S100PBP: variants seen among roughly 807,000 people sequenced by gnomAD.
S100PBP encodes the protein S100P-binding protein.
In S100PBP, 15 loss-of-function variants were observed where a neutral mutation model predicts 39.9. The observed-to-expected ratio is 0.38, with a 90% CI of 0.25 to 0.58. S100PBP has a LOEUF of 0.58. S100PBP is among the 20% of genes least tolerant of loss of function. S100PBP has a pLI of 0.70. For missense variants in S100PBP, 504 were observed against 487.3 expected, an observed-to-expected ratio of 1.03 and a Z score of -0.32; for synonymous variants, 178 against 180.3, an observed-to-expected ratio of 0.99 and a Z score of 0.10.
chr1:32,853,146 T>C lies in S100PBP; in HGVS notation c.1092T>C (p.His364=), dbSNP rs1171013043. ...VHHMQHSKWQ[H]PSDLTTRNYA... ...ATATGCAGCACTCAAAATGGCAGCA[T>C]CCTTCGGACCTCACCACGCGGTGAG... Residue 364 remains histidine (H), a synonymous_variant, in exon 6 of 7, where the codon CAT becomes CAC. Transcript: ENST00000373475. 2 of 1,612,348 alleles carry C rather than the reference T, an allele frequency of 1.2e-6. No homozygotes were observed. The highest frequency in any genetic ancestry group is 1.7e-6 in the Non-Finnish European group (2 of 1,179,576).
chr1:32,820,548 G>A (rs539584683), intron 1 of S100PBP: 1 of 152,264 alleles, frequency 6.6e-6, no homozygotes, highest in East Asian at 1.9e-4. Context: ...TGCCTCTAGT[G>A]TGCCACATTT....
upstream of S100PBP, chr1:32,817,522 C>T: frequency 1.7e-6 from 1 of 590,718 alleles, no homozygotes; most frequent in Non-Finnish European, 3.0e-6. Context: ...CGGGGCACAA[C>T]CCTCCTAGAG....
At chr1:32,844,382 T>A (rs974447626) in intron 5 of S100PBP, among the ~76,000 whole-genome samples, 18 of 152,146 alleles carry the variant, frequency 1.2e-4, no homozygotes, top group Non-Finnish European at 2.6e-4. Flanking sequence ...CATTTGGAAC[T>A]GGGCACGGTG....
chr1:32,855,965 T>A lies in S100PBP; in HGVS notation c.1154T>A (p.Leu385Gln). Residue 385 changes from leucine to glutamine, a missense_variant, in exon 7 of 7, where the codon CTG becomes CAG. By Grantham distance (113) the Leu-to-Gln change is moderately radical. Transcript: ENST00000373475. Reference protein sequence around the residue: ...RRQKHLQRYSLTQWVDRNMRS... With the variant: ...RRQKHLQRYSQTQWVDRNMRS... ...CAGAAACATCTGCAAAGATACAGTC[T>A]GACTCAGTGGGTTGACAGGAACATG... 1 of 1,613,800 alleles carries A rather than the reference T, an allele frequency of 6.2e-7. No individual in the cohort carries two copies. The highest frequency in any genetic ancestry group is 8.5e-7 in the Non-Finnish European group (1 of 1,179,782).
chr1:32,836,801 A>G (rs1639838103), intron 5 of S100PBP: 2 of 154,602 alleles, frequency 1.3e-5, no homozygotes, highest in Admixed American at 1.3e-4. Context: ...GTTTTAGTAG[A>G]GGACATCCTC....
intron 1 of S100PBP, among the ~76,000 whole-genome samples, chr1:32,823,251 C>G (rs1319015292): frequency 1.0e-5 from 1 of 99,500 alleles, no homozygotes; most frequent in African/African-American, 3.9e-5. Flanking sequence ...AGCTGCTTAA[C>G]CCCAGTGCCT....
intron 6 of S100PBP, among the ~76,000 whole-genome samples, chr1:32,854,670 A>G (rs1305806271): frequency 2.0e-5 from 3 of 152,230 alleles, no homozygotes; most frequent in Admixed American, 2.0e-4. Context: ...AGCATAAATC[A>G]CATTTGCTCA....
chr1:32,835,246 G>T (rs570450134), intron 5 of S100PBP: 5 of 152,054 alleles, frequency 3.3e-5, no homozygotes, highest in African/African-American at 1.2e-4. Context: ...TAACCTCATG[G>T]ATTTTTTTAA....
At chr1:32,821,773 T>C (rs1639078309) in intron 1 of S100PBP, among the ~76,000 whole-genome samples, 1 of 152,110 alleles carries the variant, frequency 6.6e-6, no homozygotes, top group Admixed American at 6.5e-5. Context: ...TAGCTGGGGC[T>C]ACAGGCCCGC....
At chr1:32,827,893 G>T in intron 3 of S100PBP, 100 bp from the exon 4 acceptor site, 8 of 676,842 alleles carry the variant, frequency 1.2e-5, no homozygotes, top group East Asian at 6.6e-5. Context: ...ATAGGCTTTT[G>T]TAGCCTTTAG....
chr1:32,828,149 C>T, intron 4 of S100PBP, 68 bp downstream of exon 4: 1 of 1,043,188 alleles, frequency 9.6e-7, no homozygotes, highest in Non-Finnish European at 1.5e-6. Flanking sequence ...TTCCCCTCTC[C>T]AGTTTCCTCT....
chr1:32,854,558 AT>A (rs1640748784), intron 6 of S100PBP, among the ~76,000 whole-genome samples: 2 of 152,286 alleles, frequency 1.3e-5, no homozygotes, highest in Admixed American at 1.3e-4. Flanking sequence ...ATTTCTCATC[AT>A]TTGACCTGGA....
chr1:32,855,991 C>T lies in S100PBP; in HGVS notation c.1180C>T (p.Arg394Ter). The T allele has an allele frequency of 8.1e-6, 13 of 1,613,554 alleles. No homozygotes were observed. Among genetic ancestry groups the T allele is most frequent in the Non-Finnish European group, 1.1e-5 (13 of 1,179,630 alleles). Reference protein sequence around the residue: ...SLTQWVDRNMRSHHRFQRLPD... With the variant: ...SLTQWVDRNM The stretch of plus-strand genomic sequence containing the variant: ...GACTCAGTGGGTTGACAGGAACATG[C>T]GAAGCCACCATCGGTTCCAGCGTCT... Residue 394 changes from arginine (R) to a stop codon, truncating the protein, a stop_gained, in exon 7 of 7, where the codon CGA becomes TGA. Coordinates refer to ENST00000373475, the MANE Select transcript of S100PBP (RefSeq NM_022753.4). LOFTEE classifies it high-confidence loss of function.
chr1:32,856,480 G>A lies in S100PBP; in HGVS notation c.*442G>A, dbSNP rs1640823454. 1 of 154,152 alleles carries A rather than the reference G, an allele frequency of 6.5e-6. No homozygotes were observed. Among genetic ancestry groups the A allele is most frequent in the Non-Finnish European group, 1.4e-5 (1 of 69,150 alleles). The allele number at this position is 154,152 out of a possible 1,614,324, so 9.5% of individuals were successfully genotyped here. A position where few individuals can be genotyped will look rare whatever the true frequency, so the allele number is the denominator to read the frequency against. On this transcript the variant is annotated 3_prime_UTR_variant, in exon 7 of 7. Transcript: ENST00000373475. Reference sequence around the variant, plus strand: ...TGTGAGCCAGTGTTAGATAACTTGTGAATGGATATAAGTTACTTTTAACAA... The same window carrying A: ...TGTGAGCCAGTGTTAGATAACTTGTAAATGGATATAAGTTACTTTTAACAA...
intron 5 of S100PBP, among the ~76,000 whole-genome samples, chr1:32,844,618 G>A (rs1569924061): frequency 6.6e-6 from 1 of 151,768 alleles, no homozygotes; most frequent in East Asian, 2.0e-4. Flanking sequence ...CTACAGGCAC[G>A]TGCCACTATG....
intron 5 of S100PBP, among the ~76,000 whole-genome samples, chr1:32,842,195 A>C (rs1469199712): frequency 9.0e-6 from 1 of 111,592 alleles, no homozygotes; most frequent in Non-Finnish European, 1.8e-5. Flanking sequence ...AAAAAAAAAA[A>C]AAAAAAAACA....
chr1:32,843,743 G>A lies in S100PBP; in HGVS notation c.1025-9336G>A, dbSNP rs566670810. Among the ~76,000 whole-genome samples the A allele has an allele frequency of 8.6e-5, 13 of 151,688 alleles. No individual in the cohort carries two copies. The South Asian group carries it at 1.9e-3, about 22-fold the overall frequency. On this transcript the variant is annotated intron_variant, in intron 5 of 6. Transcript: ENST00000373475. ...GCTGGGATTACAGGTGTGAGCCACC[G>A]CACATGGCCTAATTTTTTGTATTTT...
chr1:32,842,198 A>T (rs1415874866), intron 5 of S100PBP, among the ~76,000 whole-genome samples: 55 of 116,634 alleles, frequency 4.7e-4, no homozygotes, highest in African/African-American at 1.8e-3. Context: ...AAAAAAAAAA[A>T]AAAAACATAT....
intron 5 of S100PBP, among the ~76,000 whole-genome samples, chr1:32,850,130 A>G (rs887131747): frequency 7.2e-5 from 11 of 152,142 alleles, no homozygotes; most frequent in African/African-American, 2.4e-4. Context: ...ATGTTTTTAG[A>G]TTTATTATCT....
Sources: allele counts gnomAD v4.1 joint callset (sites outside exome capture counted in the v4.1 genomes callset), GRCh38; gene constraint gnomAD v4.1.1; transcripts MANE v1.5; gene names NCBI Gene and HGNC (gene_info 2026-07-23, HGNC 2026-07-21).